Variants in CRISP1 observed in about 807,000 individuals in gnomAD.
CRISP1 encodes the protein cysteine rich secretory protein 1.
CRISP1 carries 44 observed loss-of-function variants against 33.1 expected under a neutral mutation model. The observed-to-expected ratio is 1.33, with a 90% confidence interval of 1.05 to 1.71. The LOEUF (loss-of-function observed/expected upper bound fraction) is 1.71, where lower values mean the gene tolerates loss of function less well. Among genes scored for constraint, CRISP1 ranks in the 40% most tolerant of loss-of-function variants. The pLI, the probability that CRISP1 is intolerant of heterozygous loss-of-function variation, is 0.00. For synonymous variants in CRISP1, 103 were observed against 98.7 expected (o/e 1.04, Z -0.26); for missense variants, 390 against 301.2 (o/e 1.29, Z -2.18).
At chr6:49,863,231 G>A (rs1410950114) in intron 1 of CRISP1, among the ~76,000 whole-genome samples, 2 of 152,172 alleles carry the variant, frequency 1.3e-5, no homozygotes, top group Non-Finnish European at 2.9e-5. Context: ...AAAAGACCCT[G>A]TAGATCCAGA....
At chr6:49,837,901 T>TAA (rs56006658) in intron 7 of CRISP1, among the ~76,000 whole-genome samples, 1,560 of 144,232 alleles carry the variant, frequency 0.011, 14 homozygotes, top group Non-Finnish European at 0.018. Flanking sequence ...TTCAAGAAAT[T>TAA]AAAAAAAAAA....
intron 1 of CRISP1, among the ~76,000 whole-genome samples, chr6:49,860,827 T>G (rs1001910739): frequency 6.6e-6 from 1 of 150,994 alleles, no homozygotes; most frequent in Admixed American, 6.6e-5. Context: ...AAATGTTGAT[T>G]TTTTGAAAAT....
chr6:49,844,283 C>G (rs370944547), intron 5 of CRISP1, among the ~76,000 whole-genome samples: 23 of 152,264 alleles, frequency 1.5e-4, no homozygotes, highest in African/African-American at 5.3e-4. Flanking sequence ...CCAGTTTGAA[C>G]TAAAGTGGAC....
At chr6:49,838,210 G>T (rs977280825) in intron 7 of CRISP1, among the ~76,000 whole-genome samples, 2 of 152,104 alleles carry the variant, frequency 1.3e-5, no homozygotes, top group African/African-American at 4.8e-5. Flanking sequence ...TCTGTTGGGT[G>T]GGAACTCGAG....
At chr6:49,854,182 C>T (rs1476926038) in intron 2 of CRISP1, among the ~76,000 whole-genome samples, 1 of 152,168 alleles carries the variant, frequency 6.6e-6, no homozygotes, top group Non-Finnish European at 1.5e-5. Flanking sequence ...CTTTCCTCCT[C>T]TTCTGTGGTA....
intron 5 of CRISP1, among the ~76,000 whole-genome samples, chr6:49,844,510 G>A (rs12204651): frequency 0.097 from 14,742 of 152,134 alleles, 1,001 homozygotes; most frequent in Non-Finnish European, 0.15. Flanking sequence ...TGTCCCTGCA[G>A]ATGATCTCTG....
chr6:49,854,600 A>G (rs960645088), intron 2 of CRISP1, among the ~76,000 whole-genome samples: 1 of 151,974 alleles, frequency 6.6e-6, no homozygotes, highest in Non-Finnish European at 1.5e-5. Flanking sequence ...TTCCCCATTC[A>G]ACTATTGTTC....
intron 7 of CRISP1, 87 bp downstream of exon 7, chr6:49,838,350 C>A (rs530950126): frequency 5.2e-5 from 49 of 938,578 alleles, no homozygotes; most frequent in Non-Finnish European, 7.6e-5. Flanking sequence ...TAGAAAAGTG[C>A]GATGTTTTTT....
intron 6 of CRISP1, among the ~76,000 whole-genome samples, chr6:49,840,270 G>C (rs2127469411): frequency 6.6e-6 from 1 of 152,302 alleles, no homozygotes; most frequent in African/African-American, 2.4e-5. Context: ...AATCACAGTT[G>C]ATAGGAGAAG....
chr6:49,865,040 A>T (rs548958829), intron 1 of CRISP1, among the ~76,000 whole-genome samples: 8 of 152,320 alleles, frequency 5.3e-5, no homozygotes, highest in Middle Eastern at 3.4e-3. Context: ...TAGATTTAAC[A>T]TTGAAAAAAT....
In CRISP1 at chr6:49,838,455, A is replaced by T; in HGVS notation, c.604T>A (p.Cys202Ser). 2 of 1,613,030 alleles carry T rather than the reference A, an allele frequency of 1.2e-6. No homozygotes were observed. The highest frequency in any genetic ancestry group is 1.7e-6 in the Non-Finnish European group (2 of 1,179,490). Residue 202 changes from cysteine to serine, a missense_variant, in exon 7 of 8, where the codon TGT (cysteine) becomes AGT (serine). Transcript: ENST00000335847. ...GVPCEACPSN[C>S]EDKLCTNPCI... ...AACTTACTGCAAAGTTTGTCTTCAC[A>T]GTTACTTGGGCAGGCTTCACATGGG...
At chr6:49,871,399 T>A (rs1354319193), upstream of CRISP1, among the ~76,000 whole-genome samples, 4 of 152,168 alleles carry the variant, frequency 2.6e-5, no homozygotes. Flanking sequence ...AAGTAATCCA[T>A]GAATCTACTG....
At chr6:49,853,723 C>T (rs1437284683) in intron 2 of CRISP1, among the ~76,000 whole-genome samples, 1 of 152,082 alleles carries the variant, frequency 6.6e-6, no homozygotes, top group Middle Eastern at 3.2e-3. Flanking sequence ...TCTTGTCTTT[C>T]CTTTCATCTC....
At chr6:49,849,283 A>T (rs1179331812) in intron 3 of CRISP1, among the ~76,000 whole-genome samples, 1 of 152,126 alleles carries the variant, frequency 6.6e-6, no homozygotes, top group Non-Finnish European at 1.5e-5. Context: ...CAGGAAACCC[A>T]CCATCGGGCC....
chr6:49,861,874 G>C (rs901349115), intron 1 of CRISP1, among the ~76,000 whole-genome samples: 2 of 149,060 alleles, frequency 1.3e-5, no homozygotes, highest in Non-Finnish European at 3.0e-5. Flanking sequence ...AACAGAGCAA[G>C]ACTCCATAAA....
At chr6:49,845,437 C>A (rs1230392885) in intron 5 of CRISP1, among the ~76,000 whole-genome samples, 5 of 152,012 alleles carry the variant, frequency 3.3e-5, no homozygotes, top group Admixed American at 2.0e-4. Flanking sequence ...TTTAATCCAC[C>A]CAGCTGTGGT....
At chr6:49,870,972 G>A (rs770960558), upstream of CRISP1, among the ~76,000 whole-genome samples, 24 of 151,962 alleles carry the variant, frequency 1.6e-4, no homozygotes, top group East Asian at 5.8e-4. Context: ...GTGGTTGTGC[G>A]TGCCTGTAAT....
At chr6:49,873,217 A>C (rs1002896826) in intron 1 of CRISP1, among the ~76,000 whole-genome samples, 1 of 152,078 alleles carries the variant, frequency 6.6e-6, no homozygotes, top group African/African-American at 2.4e-5. Context: ...ATAAGCCAGA[A>C]AAACCTAATT....
At chr6:49,852,220 A>G (rs1771369611) in intron 2 of CRISP1, 91 bp from the exon 3 acceptor site, 3 of 1,170,600 alleles carry the variant, frequency 2.6e-6, no homozygotes, top group East Asian at 2.4e-5. Context: ...GCAAATTTAT[A>G]GTTTATATTA....
Sources: gnomAD v4.1 joint callset for allele counts (sites outside exome capture counted in the v4.1 genomes callset) on GRCh38, gnomAD v4.1.1 for gene constraint, MANE v1.5 for transcripts, NCBI Gene and HGNC (gene_info 2026-07-23, HGNC 2026-07-21) for gene names.